SETBP1: variants seen among roughly 807,000 people sequenced by gnomAD.
SETBP1 encodes the protein SET-binding protein.
Under a neutral mutation model 101.0 loss-of-function variants are expected in SETBP1, and 9 were observed. The ratio of observed to expected loss-of-function variants is 0.09; its 90% CI spans 0.05 to 0.16. The LOEUF is 0.16. Ranked by LOEUF, SETBP1 falls within the 10% of genes least tolerant of loss-of-function variation. SETBP1 has a pLI of 1.00. For missense variants in SETBP1, 1,858 were observed against 2,033.8 expected (o/e 0.91, Z 1.66); for synonymous variants, 818 against 788.5 (o/e 1.04, Z -0.63).
chr18:44,760,501 A>C (rs1452808954), intron 2 of SETBP1, among the ~76,000 whole-genome samples: 1 of 152,216 alleles, frequency 6.6e-6, no homozygotes, highest in African/African-American at 2.4e-5. Context: ...GGAAGGAGTG[A>C]GGCTTTGACT....
chr18:44,895,306 GA>G (rs2069874670), intron 3 of SETBP1, among the ~76,000 whole-genome samples: 1 of 103,362 alleles, frequency 9.7e-6, no homozygotes, highest in African/African-American at 3.8e-5. Flanking sequence ...AGGAAGGGGG[GA>G]GAGAGGGAGT....
Position 45,046,101 on chromosome 18 carries a change from G to A in SETBP1, c.4171+7446G>A, listed in dbSNP as rs138476059. Reference sequence around the variant, plus strand: ...ATCATTGATTCCTACATTTAATACAGTGTCTGTGCTCCACCTGTGTCCCAC... The same window carrying A: ...ATCATTGATTCCTACATTTAATACAATGTCTGTGCTCCACCTGTGTCCCAC... On this transcript the variant is annotated intron_variant, in intron 5 of 5. Coordinates refer to ENST00000649279, the MANE Select transcript of SETBP1 (RefSeq NM_015559.3). 7.7e-3 allele frequency among the ~76,000 whole-genome samples: 1,157 copies of A among 151,236 alleles called. 16 individuals carry two copies. The highest frequency in any genetic ancestry group is 0.013 in the Non-Finnish European group (908 of 68,024).
chr18:44,803,941 G>A (rs1319123381), intron 2 of SETBP1, among the ~76,000 whole-genome samples: 2 of 152,128 alleles, frequency 1.3e-5, no homozygotes, highest in Non-Finnish European at 2.9e-5. Context: ...AGAAGTATGA[G>A]GTAAACTAGC....
At chr18:44,854,295 T>G (rs891402518) in intron 2 of SETBP1, among the ~76,000 whole-genome samples, 1 of 152,200 alleles carries the variant, frequency 6.6e-6, no homozygotes, top group Admixed American at 6.5e-5. Context: ...CCCACTGGAA[T>G]AGGTCCAGGT....
intron 2 of SETBP1, among the ~76,000 whole-genome samples, chr18:44,769,548 T>C (rs1803492948): frequency 6.6e-6 from 1 of 152,236 alleles, no homozygotes; most frequent in Non-Finnish European, 1.5e-5. Context: ...TCTAAATTCT[T>C]TCTTCTTTTC....
chr18:44,968,057 C>T (rs1470730454), intron 4 of SETBP1, among the ~76,000 whole-genome samples: 1 of 152,198 alleles, frequency 6.6e-6, no homozygotes, highest in East Asian at 1.9e-4. Flanking sequence ...AATTGCTCAG[C>T]AGGATGGTAA....
chr18:45,056,065 G>A (rs146537539), intron 5 of SETBP1, among the ~76,000 whole-genome samples: 4 of 152,262 alleles, frequency 2.6e-5, no homozygotes, highest in African/African-American at 9.6e-5. Context: ...TCCATTGACA[G>A]CCTAGAAGAG....
At chr18:44,963,177 T>G (rs2071647636) in intron 4 of SETBP1, among the ~76,000 whole-genome samples, 1 of 152,218 alleles carries the variant, frequency 6.6e-6, no homozygotes, top group South Asian at 2.1e-4. Context: ...ACTATATTTC[T>G]TAAGTATTTG....
intron 2 of SETBP1, among the ~76,000 whole-genome samples, chr18:44,735,233 A>G (rs2069938450): frequency 6.6e-6 from 1 of 152,208 alleles, no homozygotes; most frequent in South Asian, 2.1e-4. Flanking sequence ...TCAATTGAGG[A>G]TACAGACCCA....
At chr18:44,902,229 TCTTTC>T (rs2070064941) in intron 3 of SETBP1, among the ~76,000 whole-genome samples, 1 of 42,588 alleles carries the variant, frequency 2.3e-5, no homozygotes, top group African/African-American at 1.1e-4. Context: ...TATATCTCTC[TCTTTC>T]TCTCTCTCTC....
At chr18:44,984,020 G>T (rs1568009151) in intron 4 of SETBP1, among the ~76,000 whole-genome samples, 1 of 151,970 alleles carries the variant, frequency 6.6e-6, no homozygotes, top group East Asian at 2.0e-4. Context: ...GGCTAACATG[G>T]TGAAACCCCG....
intron 2 of SETBP1, among the ~76,000 whole-genome samples, chr18:44,727,204 G>GTGTGTA (rs1239932196): frequency 6.6e-6 from 1 of 151,818 alleles, no homozygotes; most frequent in Non-Finnish European, 1.5e-5. Flanking sequence ...GTGTGTGTGT[G>GTGTGTA]TGTGTGTGTG....
At chr18:44,898,740 T>G (rs2069966523) in intron 3 of SETBP1, among the ~76,000 whole-genome samples, 1 of 152,160 alleles carries the variant, frequency 6.6e-6, no homozygotes, top group East Asian at 1.9e-4. Flanking sequence ...TTCAAATTCT[T>G]GATTAAACAG....
chr18:44,976,224 T>A (rs1445466200), intron 4 of SETBP1, among the ~76,000 whole-genome samples: 1 of 152,042 alleles, frequency 6.6e-6, no homozygotes, highest in Non-Finnish European at 1.5e-5. Flanking sequence ...CGGCAGGTGC[T>A]GAGGAACAGC....
chr18:44,989,758 A>C (rs1198455318), intron 4 of SETBP1, among the ~76,000 whole-genome samples: 1 of 150,204 alleles, frequency 6.7e-6, no homozygotes, highest in Admixed American at 6.6e-5. Context: ...AGTCCCAGCT[A>C]CTTGGGAGGC....
chr18:44,780,473 A>G (rs1210868637), intron 2 of SETBP1, among the ~76,000 whole-genome samples: 1 of 152,198 alleles, frequency 6.6e-6, no homozygotes, highest in African/African-American at 2.4e-5. Flanking sequence ...GCTTTTCCTT[A>G]CTTTAGGACA....
At chr18:44,762,496 A>G (rs1180193453) in intron 2 of SETBP1, among the ~76,000 whole-genome samples, 1 of 152,246 alleles carries the variant, frequency 6.6e-6, no homozygotes, top group African/African-American at 2.4e-5. Flanking sequence ...CTAAGCACGC[A>G]GTGCTTAGAG....
chr18:44,748,723 G>C (rs1170013953), intron 2 of SETBP1, among the ~76,000 whole-genome samples: 1 of 152,202 alleles, frequency 6.6e-6, no homozygotes, highest in Non-Finnish European at 1.5e-5. Flanking sequence ...CATTGGCTTG[G>C]TATTTCTGGA....
intron 2 of SETBP1, among the ~76,000 whole-genome samples, chr18:44,829,396 GA>G (rs1204793366): frequency 6.6e-6 from 1 of 152,128 alleles, no homozygotes; most frequent in Non-Finnish European, 1.5e-5. Context: ...TATCTAAACT[GA>G]GTTTATTTAG....
Sources: allele counts gnomAD v4.1 joint callset (sites outside exome capture counted in the v4.1 genomes callset), GRCh38; gene constraint gnomAD v4.1.1; transcripts MANE v1.5; gene names NCBI Gene and HGNC (gene_info 2026-07-23, HGNC 2026-07-21).